ABCB4: variants seen among roughly 807,000 people sequenced by gnomAD.
ABCB4 encodes the protein ATP binding cassette subfamily B member 4, also known as phosphatidylcholine translocator ABCB4.
A neutral mutation model predicts 145.7 loss-of-function variants in ABCB4; 76 were observed. The observed-to-expected ratio is 0.52, with a 90% CI of 0.43 to 0.63. The LOEUF (loss-of-function observed/expected upper bound fraction) is 0.63, where lower values mean the gene tolerates loss of function less well. Ranked by LOEUF, ABCB4 falls within the 30% of genes least tolerant of loss-of-function variation. ABCB4 has a pLI of 0.00. For synonymous variants in ABCB4, 517 were observed against 566.8 expected (o/e 0.91, Z 1.25); for missense variants, 1,234 against 1,553.1 (o/e 0.79, Z 3.45).
At chr7:87,433,683 T>TGTTTG (rs1315917140) in intron 14 of ABCB4, among the ~76,000 whole-genome samples, 1 of 150,002 alleles carries the variant, frequency 6.7e-6, no homozygotes, top group Admixed American at 6.6e-5. Flanking sequence ...TTGTTTTTTT[T>TGTTTG]TTTTTTTTTT....
the ABCB4 span, among the ~76,000 whole-genome samples, chr7:87,390,237 C>A: frequency 7.9e-3 from 1,206 of 152,254 alleles, 8 homozygotes; most frequent in Middle Eastern, 0.034. Flanking sequence ...TCTTTGCTTT[C>A]TACTCCATCT....
intron 18 of ABCB4, among the ~76,000 whole-genome samples, chr7:87,420,714 C>G (rs1809355394): frequency 6.6e-6 from 1 of 152,120 alleles, no homozygotes; most frequent in Non-Finnish European, 1.5e-5. Context: ...TCAAAGCCCC[C>G]ACGTCAAATT....
chr7:87,475,542 C>G, intron 1 of ABCB4, 71 bp from the exon 2 acceptor site: 1 of 1,499,374 alleles, frequency 6.7e-7, no homozygotes, highest in Non-Finnish European at 9.2e-7. Flanking sequence ...TCGCGGGGCC[C>G]GGGGGCACTG....
intron 15 of ABCB4, among the ~76,000 whole-genome samples, chr7:87,429,913 TTA>T (rs1491453601): frequency 0.024 from 3,027 of 128,240 alleles, 97 homozygotes; most frequent in African/African-American, 0.083. Flanking sequence ...CTTTTTTTTT[TTA>T]AAAAAAAAAA....
Position 87,470,737 on chromosome 7 carries a change from T to A in ABCB4, c.135+1884A>T, listed in dbSNP as rs538701029. On this transcript the variant is annotated intron_variant, in intron 3 of 27. Coordinates refer to ENST00000649586, the MANE Select transcript of ABCB4 (RefSeq NM_000443.4). ...GAAACAACAGGTGCTGGAGAGGATGTGGAGAAATAGGAACACTTTTACACT... is the reference window on the plus strand; with the variant it reads ...GAAACAACAGGTGCTGGAGAGGATGAGGAGAAATAGGAACACTTTTACACT... Among the ~76,000 whole-genome samples, 260 of 152,282 alleles carry A rather than the reference T, an allele frequency of 1.7e-3. 2 individuals are homozygous for A. The highest frequency in any genetic ancestry group is 6.0e-3 in the African/African-American group (248 of 41,548).
intron 17 of ABCB4, among the ~76,000 whole-genome samples, chr7:87,422,879 C>T (rs1489901082): frequency 2.6e-5 from 4 of 152,140 alleles, no homozygotes; most frequent in Admixed American, 6.5e-5. Flanking sequence ...CGACAGAAAC[C>T]GCTGTTTGAG....
chr7:87,452,780 G>T, intron 6 of ABCB4, 164 bp downstream of exon 6: 1 of 798,388 alleles, frequency 1.3e-6, no homozygotes, highest in Non-Finnish European at 2.0e-6. Flanking sequence ...AACATGCAAT[G>T]GCATAGGCTA....
At chr7:87,376,503 T>A in the ABCB4 span, among the ~76,000 whole-genome samples, 1 of 152,072 alleles carries the variant, frequency 6.6e-6, no homozygotes, top group Non-Finnish European at 1.5e-5. Context: ...CAGGAAATAA[T>A]AAAAGATAGT....
chr7:87,467,574 C>A (rs1483119429), intron 3 of ABCB4, among the ~76,000 whole-genome samples: 1 of 152,176 alleles, frequency 6.6e-6, no homozygotes, highest in Non-Finnish European at 1.5e-5. Context: ...CTCTCCACCC[C>A]AAATCAACAG....
the ABCB4 span, among the ~76,000 whole-genome samples, chr7:87,367,737 G>GT: frequency 6.6e-6 from 1 of 152,064 alleles, no homozygotes; most frequent in African/African-American, 2.4e-5. Flanking sequence ...CTGCTTATCA[G>GT]TTTTTTTCTT....
upstream of ABCB4, chr7:87,475,758 G>C (rs1813777141): frequency 3.3e-6 from 1 of 299,134 alleles, no homozygotes; most frequent in Non-Finnish European, 5.8e-6. Context: ...CGTCCGGCCC[G>C]GGAAACGCCT....
intron 4 of ABCB4, among the ~76,000 whole-genome samples, chr7:87,455,237 T>G (rs958059195): frequency 2.0e-5 from 3 of 152,232 alleles, no homozygotes; most frequent in Admixed American, 6.5e-5. Flanking sequence ...CACTGCTGTA[T>G]TCTAGTATTT....
At chr7:87,381,053 C>T in the ABCB4 span, among the ~76,000 whole-genome samples, 1 of 152,164 alleles carries the variant, frequency 6.6e-6, no homozygotes, top group African/African-American at 2.4e-5. Context: ...ATACAGGCTA[C>T]AGAGCTATAG....
the ABCB4 span, chr7:87,393,058 G>C: frequency 1.2e-6 from 2 of 1,613,034 alleles, no homozygotes; most frequent in African/African-American, 2.7e-5. Flanking sequence ...TACCATATCA[G>C]AGATGACAGG....
At chr7:87,449,857 C>G (rs569055257) in intron 8 of ABCB4, 111 bp downstream of exon 8, 143 of 1,531,198 alleles carry the variant, frequency 9.3e-5, no homozygotes, top group Non-Finnish European at 7.9e-5. Context: ...ATAATTTATG[C>G]GAGAAGGGTT....
At chr7:87,411,174 A>AC (rs1562953066) in intron 23 of ABCB4, among the ~76,000 whole-genome samples, 1 of 152,030 alleles carries the variant, frequency 6.6e-6, no homozygotes, top group Non-Finnish European at 1.5e-5. Context: ...GAAAAAAAAA[A>AC]CCCAGCTCTT....
chr7:87,448,208 G>A (rs1811473221), intron 8 of ABCB4, among the ~76,000 whole-genome samples: 1 of 151,410 alleles, frequency 6.6e-6, no homozygotes, highest in Non-Finnish European at 1.5e-5. Flanking sequence ...GAAATTTAAA[G>A]AAAAATCCAA....
chr7:87,405,121 A>G (rs745909995), intron 26 of ABCB4, among the ~76,000 whole-genome samples: 5 of 152,350 alleles, frequency 3.3e-5, no homozygotes, highest in South Asian at 2.1e-4. Context: ...TAACCCAGCT[A>G]TCCTTCAACA....
chr7:87,396,104 C>CA, the ABCB4 span, among the ~76,000 whole-genome samples: 12 of 151,404 alleles, frequency 7.9e-5, no homozygotes, highest in Non-Finnish European at 1.2e-4. Context: ...GTCGATATGG[C>CA]AAAAAAAAGT....
Sources: allele counts gnomAD v4.1 joint callset (sites outside exome capture counted in the v4.1 genomes callset), GRCh38; gene constraint gnomAD v4.1.1; transcripts MANE v1.5; gene names NCBI Gene and HGNC (gene_info 2026-07-23, HGNC 2026-07-21).